TMEM59L: variants seen among roughly 807,000 people sequenced by gnomAD.
The protein encoded by TMEM59L is transmembrane protein 59-like.
In TMEM59L, 31 loss-of-function variants were observed where a neutral mutation model predicts 39.6. That is an observed-to-expected ratio of 0.78 (90% CI 0.59 to 1.06). TMEM59L has a LOEUF of 1.06. Ranked by LOEUF, TMEM59L falls within the 50% of genes least tolerant of loss-of-function variation. The pLI is 0.00. For missense variants in TMEM59L, 441 were observed against 451.3 expected (o/e 0.98, Z 0.21); for synonymous variants, 219 against 202.9 (o/e 1.08, Z -0.68).
intron 5 of TMEM59L, chr19:18,617,899 G>A (rs1600666822): frequency 5.5e-6 from 3 of 545,184 alleles, no homozygotes; most frequent in East Asian, 6.7e-5. Context: ...GAGTTCTTTG[G>A]TCTATCTCTC....
intron 7 of TMEM59L, among the ~76,000 whole-genome samples, chr19:18,618,702 A>AT (rs200205971): frequency 0.18 from 22,865 of 126,664 alleles, 2,330 homozygotes; most frequent in Non-Finnish European, 0.22. Flanking sequence ...ATATATATAT[A>AT]TATTTTTTTT....
At position 18,620,565 on chromosome 19, in the gene TMEM59L, G is replaced by T; in HGVS notation, c.*29G>T. On this transcript the variant is annotated 3_prime_UTR_variant, in exon 8 of 8. Transcript: ENST00000262817. ...TCCACTGGCCCCATCACTGCCAACT[G>T]CAGGGGGCCCCTCGGGCCTCACTTG... 2 of 1,607,874 alleles carry T rather than the reference G, an allele frequency of 1.2e-6. No individual in the cohort carries two copies.
Position 18,618,387 on chromosome 19 carries a change from G to C in TMEM59L, c.795G>C (p.Leu265=), listed in dbSNP as rs1016813218. The C allele has an allele frequency of 2.5e-6, 4 of 1,605,124 alleles. No individual in the cohort carries two copies. Among genetic ancestry groups the C allele is most frequent in the Non-Finnish European group, 3.4e-6 (4 of 1,178,488 alleles). The change falls in exon 7 of 8, where the codon CTG becomes CTC. Residue 265 remains leucine, a synonymous_variant. Coordinates refer to ENST00000262817, the MANE Select transcript of TMEM59L (RefSeq NM_012109.3). The stretch of plus-strand genomic sequence containing the variant: ...CCGGGCGGGGCAGGCGCTCGGGTCT[G>C]CCTCGCTGGATCCTGGCCTGCTGCC... ...FLSCMSRRSG[L]PRWILACCLF... is the part of the protein sequence containing the mutation.
rs536556969 is a variant in TMEM59L at position 18,620,170 on chromosome 19, C to T, written c.901-238C>T. Among the ~76,000 whole-genome samples the T allele has an allele frequency of 1.1e-4, 16 of 151,544 alleles. No homozygotes were observed. In the East Asian group the frequency reaches 2.3e-3, roughly 22 times the overall value. On this transcript the variant is annotated intron_variant, in intron 7 of 7. Coordinates refer to ENST00000262817, the MANE Select transcript of TMEM59L (RefSeq NM_012109.3). ...TACAAAAATTAGCTGGGCGTGGTGGCGTGCACCTGTAGTCCCAGCTACTTG... is the reference window on the plus strand; with the variant it reads ...TACAAAAATTAGCTGGGCGTGGTGGTGTGCACCTGTAGTCCCAGCTACTTG...
Position 18,613,016 on chromosome 19 carries a change from CCGCCCGCCGCCTCCG to C in TMEM59L, c.63_77del (p.Ala22_Pro26del). 2.2e-6 allele frequency: 3 copies of C among 1,386,008 alleles called. No homozygotes were observed. The highest frequency in any genetic ancestry group is 2.8e-6 in the Non-Finnish European group (3 of 1,071,668). The allele number at this position is 1,386,008 out of a possible 1,614,324, so 85.9% of individuals were successfully genotyped here. On this transcript the variant is annotated inframe_deletion, in exon 1 of 8. Coordinates refer to ENST00000262817, the MANE Select transcript of TMEM59L (RefSeq NM_012109.3). ...GCTGCTGCTGCTGCTGTTGGCGTCG[CCGCCCGCCGCCTCCG>C]CGCCGTCCGCCCGCGATCCCTTCGC...
chr19:18,618,246 C>G lies in TMEM59L; in HGVS notation c.756C>G (p.Asp252Glu). The change falls in exon 6 of 8, where the codon GAC becomes GAG. Residue 252 changes from aspartate to glutamate, a missense_variant. Physicochemically the swap from Asp to Glu is conservative, Grantham distance 45. Coordinates refer to ENST00000262817, the MANE Select transcript of TMEM59L (RefSeq NM_012109.3). Reference sequence around the variant, plus strand: ...AGGTGGAGTCTGAAGAGCCACAGGACAATGACTTCCTCAGTTGCATGTCCC... The same window carrying G: ...AGGTGGAGTCTGAAGAGCCACAGGAGAATGACTTCCTCAGTTGCATGTCCC... ...KAKVESEEPQ[D>E]NDFLSCMSRR... 6.3e-6 allele frequency: 10 copies of G among 1,599,130 alleles called. No individual in the cohort carries two copies. The highest frequency in any genetic ancestry group is 8.5e-6 in the Non-Finnish European group (10 of 1,178,272).
At position 18,618,364 on chromosome 19, in the gene TMEM59L, G is replaced by C; in HGVS notation, c.783-11G>C. ...CCTGGGCAGCTGAGTGGTGCCTGCC[G>C]GGCGGGGCAGGCGCTCGGGTCTGCC... On this transcript the variant is annotated splice_polypyrimidine_tract_variant and intron_variant, in intron 6 of 7. Transcript: ENST00000262817. 2 of 1,605,550 alleles carry C rather than the reference G, an allele frequency of 1.2e-6. No homozygotes were observed. Among genetic ancestry groups the C allele is most frequent in the Non-Finnish European group, 1.7e-6 (2 of 1,177,952 alleles).
At chr19:18,618,585 T>C in intron 7 of TMEM59L, 93 bp downstream of exon 7, 4 of 1,151,540 alleles carry the variant, frequency 3.5e-6, no homozygotes, top group Non-Finnish European at 5.0e-6. Context: ...CCTGCTCCCA[T>C]GGAGGCCAGG....
chr19:18,618,646 CGT>C (rs10580494), intron 7 of TMEM59L, among the ~76,000 whole-genome samples, 154 bp downstream of exon 7: 25,217 of 124,554 alleles, frequency 0.2, 4,708 homozygotes, highest in African/African-American at 0.51. Flanking sequence ...TATACATATA[CGT>C]GTGTGTGTGT....
At chr19:18,616,954 G>C in intron 4 of TMEM59L, 46 bp from the exon 5 acceptor site, 1 of 1,456,842 alleles carries the variant, frequency 6.9e-7, no homozygotes, top group Middle Eastern at 1.8e-4. Flanking sequence ...GGGCCCAGGG[G>C]TGCTGTTCTC....
At chr19:18,613,751 A>C (rs914300313) in intron 1 of TMEM59L, 121 bp from the exon 2 acceptor site, 27 of 737,360 alleles carry the variant, frequency 3.7e-5, no homozygotes, top group Middle Eastern at 3.8e-4. Context: ...CTTCATCTCC[A>C]TCTGGCTAGA....
chr19:18,613,348 G>T lies in TMEM59L; in HGVS notation c.171+219G>T, dbSNP rs1045447564. On this transcript the variant is annotated intron_variant, in intron 1 of 7. Transcript: ENST00000262817. ...GGGATGCAGGTCCTTGCGATAAGGG[G>T]CCGATACCACCTCCCGGGCTCCTTC... 3.7e-4 allele frequency among the ~76,000 whole-genome samples: 56 copies of T among 152,012 alleles called. 1 individual carries two copies. The highest frequency in any genetic ancestry group is 1.4e-3 in the African/African-American group (56 of 41,374).
intron 7 of TMEM59L, 112 bp downstream of exon 7, chr19:18,618,604 C>T (rs941129947): frequency 2.0e-5 from 18 of 897,338 alleles, no homozygotes; most frequent in Admixed American, 2.6e-5. Context: ...GGACCTCAGA[C>T]ATTTTTTTCT....
At chr19:18,619,772 C>G (rs1469762908) in intron 7 of TMEM59L, among the ~76,000 whole-genome samples, 3 of 149,702 alleles carry the variant, frequency 2.0e-5, no homozygotes, top group African/African-American at 7.4e-5. Context: ...CCACTGCACT[C>G]CAGCCTGGGT....
intron 4 of TMEM59L, among the ~76,000 whole-genome samples, chr19:18,616,527 G>T (rs1381537310): frequency 6.6e-6 from 1 of 151,960 alleles, no homozygotes; most frequent in Non-Finnish European, 1.5e-5. Context: ...TGAGTAGCTG[G>T]GATTACAGGC....
chr19:18,612,930 C>T lies in TMEM59L; in HGVS notation c.-29C>T. On this transcript the variant is annotated 5_prime_UTR_variant, in exon 1 of 8. Transcript: ENST00000262817. The surrounding 1 kb of genome is among the most constrained non-coding windows in gnomAD (Gnocchi z 6.2). Reference sequence around the variant, plus strand: ...CTCCGTGCCCGGCCTGAGCTGGAGTCCCCCGCGCCCCCCGCGTTCCGCCCG... The same window carrying T: ...CTCCGTGCCCGGCCTGAGCTGGAGTTCCCCGCGCCCCCCGCGTTCCGCCCG... The T allele has an allele frequency of 7.8e-7, 1 of 1,282,940 alleles. No homozygotes were observed. The highest frequency in any genetic ancestry group is 9.8e-7 in the Non-Finnish European group (1 of 1,018,554). The allele number at this position is 1,282,940 out of a possible 1,614,324, so 79.5% of individuals were successfully genotyped here. A position where few individuals can be genotyped will look rare whatever the true frequency, so the allele number is the denominator to read the frequency against.
At chr19:18,619,969 C>T (rs1051564118) in intron 7 of TMEM59L, among the ~76,000 whole-genome samples, 9 of 134,176 alleles carry the variant, frequency 6.7e-5, no homozygotes, top group Non-Finnish European at 9.6e-5. Context: ...CAGAGAAGAC[C>T]CCATCACACA....
In TMEM59L at chr19:18,614,020, A is replaced by G. The variant is rs1600664294; in HGVS notation, c.316+4A>G. On this transcript the variant is annotated splice_donor_region_variant and intron_variant, in intron 2 of 7. Transcript: ENST00000262817. ...ACCCAAACTGAGTGTGAAGCAGGTG[A>G]GGGCCCGCCGGCAGGGTGGGCCAGC... 1 of 1,613,234 alleles carries G rather than the reference A, an allele frequency of 6.2e-7. No individual in the cohort carries two copies. The highest frequency in any genetic ancestry group is 8.5e-7 in the Non-Finnish European group (1 of 1,179,954).
chr19:18,613,619 G>T (rs942990406), intron 1 of TMEM59L, among the ~76,000 whole-genome samples: 1 of 151,864 alleles, frequency 6.6e-6, no homozygotes, highest in Non-Finnish European at 1.5e-5. Flanking sequence ...CTCCTCCCTG[G>T]AACCTAGTGG....
Sources: allele counts gnomAD v4.1 joint callset (sites outside exome capture counted in the v4.1 genomes callset), GRCh38; gene constraint gnomAD v4.1.1; non-coding constraint Gnocchi (gnomAD v3.1); transcripts MANE v1.5; gene names NCBI Gene and HGNC (gene_info 2026-07-23, HGNC 2026-07-21).